Variants in ATP8A1 observed in about 807,000 individuals in gnomAD.
The protein encoded by ATP8A1 is ATPase phospholipid transporting 8A1.
In ATP8A1, 90 loss-of-function variants were observed where a neutral mutation model predicts 177.7. That is an observed-to-expected ratio of 0.51 (90% CI 0.43 to 0.60). The LOEUF (loss-of-function observed/expected upper bound fraction) is 0.60, where lower values mean the gene tolerates loss of function less well. Ranked by LOEUF, ATP8A1 falls within the 20% of genes least tolerant of loss-of-function variation. The pLI, the probability that ATP8A1 is intolerant of heterozygous loss-of-function variation, is 0.00. For synonymous variants in ATP8A1, 493 were observed against 485.9 expected, an observed-to-expected ratio of 1.01 and a Z score of -0.19; for missense variants, 1,072 against 1,392.8, an observed-to-expected ratio of 0.77 and a Z score of 3.67.
chr4:42,448,724 G>A (rs921360929), intron 30 of ATP8A1, among the ~76,000 whole-genome samples: 1 of 150,954 alleles, frequency 6.6e-6, no homozygotes, highest in African/African-American at 2.4e-5. Flanking sequence ...AAGTGGTAGA[G>A]GTAGTTTCTT....
At position 42,445,282 on chromosome 4, in the gene ATP8A1, G is replaced by C. The variant is rs116070505; in HGVS notation, c.2959-648C>G. Reference sequence around the variant, plus strand: ...CTTGCCATGGAGTCAGACTACCTGTGCCCAAGACGTTATCACTTAGCTATT... The same window carrying C: ...CTTGCCATGGAGTCAGACTACCTGTCCCCAAGACGTTATCACTTAGCTATT... On this transcript the variant is annotated intron_variant, in intron 31 of 36. Transcript: ENST00000381668. Among the ~76,000 whole-genome samples the C allele has an allele frequency of 7.9e-3, 1,209 of 152,234 alleles. 15 individuals carry two copies. Among genetic ancestry groups the C allele is most frequent in the African/African-American group, 0.027 (1,138 of 41,540 alleles).
chr4:42,603,971 C>T (rs1031006927), intron 5 of ATP8A1, among the ~76,000 whole-genome samples: 12 of 152,156 alleles, frequency 7.9e-5, no homozygotes, highest in African/African-American at 2.7e-4. Flanking sequence ...AAAAATAAAT[C>T]AAAACATCTA....
At chr4:42,516,503 T>G (rs1725548582) in intron 22 of ATP8A1, among the ~76,000 whole-genome samples, 1 of 152,268 alleles carries the variant, frequency 6.6e-6, no homozygotes, top group African/African-American at 2.4e-5. Flanking sequence ...GCAGGTATTA[T>G]AGCTTACGCT....
At chr4:42,477,072 C>T (rs955484424) in intron 25 of ATP8A1, among the ~76,000 whole-genome samples, 2 of 152,170 alleles carry the variant, frequency 1.3e-5, no homozygotes, top group African/African-American at 4.8e-5. Context: ...TGAACAACAG[C>T]TATGATGTGA....
At chr4:42,480,270 G>C (rs1011041918) in intron 25 of ATP8A1, among the ~76,000 whole-genome samples, 1 of 152,102 alleles carries the variant, frequency 6.6e-6, no homozygotes, top group Admixed American at 6.6e-5. Flanking sequence ...AAAGGAGATG[G>C]ACAGGGCTGA....
rs1168254125 is a variant in ATP8A1, at chr4:42,539,380, A to G, written c.1722+4537T>C. Among the ~76,000 whole-genome samples the G allele has an allele frequency of 2.5e-5, 3 of 121,056 alleles. No homozygotes were observed. In the East Asian group the frequency reaches 8.2e-4, roughly 33 times the overall value. 79.4% of individuals were successfully genotyped at this position (121,056 alleles called of 152,430 possible). A position where few individuals can be genotyped will look rare whatever the true frequency, so the allele number is the denominator to read the frequency against. On this transcript the variant is annotated intron_variant, in intron 20 of 36. Transcript: ENST00000381668. The stretch of plus-strand genomic sequence containing the variant: ...ACTGAAGAATTTATTCATGTACTAA[A>G]AAATAAAATAAAATACCCCCCCCCC...
At chr4:42,613,692 T>C (rs1243281805) in intron 5 of ATP8A1, among the ~76,000 whole-genome samples, 1 of 152,152 alleles carries the variant, frequency 6.6e-6, no homozygotes, top group Admixed American at 6.5e-5. Context: ...TGAGCGATTC[T>C]CCTACCTCAG....
At chr4:42,521,463 A>G (rs1452959610) in intron 22 of ATP8A1, among the ~76,000 whole-genome samples, 1 of 152,236 alleles carries the variant, frequency 6.6e-6, no homozygotes, top group Non-Finnish European at 1.5e-5. Flanking sequence ...CAAGAGCTAC[A>G]CAAAAATGTT....
At chr4:42,552,653 C>CCGAG in intron 16 of ATP8A1, 43 bp from the exon 17 acceptor site, 2 of 1,348,750 alleles carry the variant, frequency 1.5e-6, no homozygotes, top group South Asian at 1.2e-5. Flanking sequence ...CTCATGTGAA[C>CCGAG]ATTTTGACAC....
chr4:42,440,510 G>A (rs1716504768), intron 33 of ATP8A1, among the ~76,000 whole-genome samples: 1 of 151,960 alleles, frequency 6.6e-6, no homozygotes, highest in South Asian at 2.1e-4. Flanking sequence ...CCTTGCACTA[G>A]AAAAGTGAGC....
chr4:42,440,335 GTTTTTTT>G (rs35291607), intron 33 of ATP8A1, among the ~76,000 whole-genome samples: 1 of 135,500 alleles, frequency 7.4e-6, no homozygotes, highest in Non-Finnish European at 1.6e-5. Context: ...AGCTCCTCCA[GTTTTTTT>G]TTTTTTTTTT....
At chr4:42,611,730 A>T (rs1736397538) in intron 5 of ATP8A1, among the ~76,000 whole-genome samples, 1 of 152,274 alleles carries the variant, frequency 6.6e-6, no homozygotes, top group African/African-American at 2.4e-5. Context: ...ACCAGTTAAA[A>T]TAAAAACTAG....
At chr4:42,612,683 C>G (rs1340362458) in intron 5 of ATP8A1, among the ~76,000 whole-genome samples, 1 of 151,924 alleles carries the variant, frequency 6.6e-6, no homozygotes, top group Non-Finnish European at 1.5e-5. Flanking sequence ...GTGTTGACAA[C>G]TTTTAGGTTC....
At chr4:42,479,394 AGTAATC>A (rs1721423527) in intron 25 of ATP8A1, among the ~76,000 whole-genome samples, 1 of 152,238 alleles carries the variant, frequency 6.6e-6, no homozygotes, top group Non-Finnish European at 1.5e-5. Context: ...CTGAAAAGGA[AGTAATC>A]ACTGGAAACC....
intron 26 of ATP8A1, 24 bp downstream of exon 26, chr4:42,464,869 T>C (rs1456104585): frequency 6.2e-7 from 1 of 1,612,916 alleles, no homozygotes; most frequent in South Asian, 1.1e-5. Context: ...AGGAATGATG[T>C]GTTTTGCAGA....
At chr4:42,434,445 T>C (rs1018068474) in intron 33 of ATP8A1, among the ~76,000 whole-genome samples, 14 of 152,236 alleles carry the variant, frequency 9.2e-5, no homozygotes, top group Non-Finnish European at 1.8e-4. Flanking sequence ...TAGAAAATGA[T>C]TTTTAAATAC....
chr4:42,550,500 A>G (rs1729394661), intron 18 of ATP8A1, among the ~76,000 whole-genome samples: 1 of 152,230 alleles, frequency 6.6e-6, no homozygotes. Flanking sequence ...GTTTACCTCA[A>G]TTAGACAACT....
intron 25 of ATP8A1, among the ~76,000 whole-genome samples, chr4:42,466,557 G>A (rs537596867): frequency 3.3e-5 from 5 of 152,220 alleles, no homozygotes; most frequent in East Asian, 1.9e-4. Flanking sequence ...AAAGTCAATT[G>A]GTCTCCTCTT....
At chr4:42,548,714 C>T (rs1488735134) in intron 19 of ATP8A1, among the ~76,000 whole-genome samples, 2 of 152,194 alleles carry the variant, frequency 1.3e-5, no homozygotes, top group Non-Finnish European at 2.9e-5. Flanking sequence ...CCCACTCACA[C>T]ATCCTTCCCA....
Sources: gnomAD v4.1 joint callset for allele counts (sites outside exome capture counted in the v4.1 genomes callset) on GRCh38, gnomAD v4.1.1 for gene constraint, MANE v1.5 for transcripts, NCBI Gene and HGNC (gene_info 2026-07-23, HGNC 2026-07-21) for gene names.